The following C5orf34 variants were observed in gnomAD, a reference collection of about 807,000 sequenced individuals.
C5orf34 encodes chromosome 5 open reading frame 34.
In C5orf34, 73 loss-of-function variants were observed where a neutral mutation model predicts 78.4. The observed-to-expected ratio is 0.93, with a 90% CI of 0.77 to 1.13. The LOEUF (loss-of-function observed/expected upper bound fraction) is 1.13. Ranked by LOEUF, C5orf34 falls within the 50% of genes most tolerant of loss-of-function variation. The pLI is 0.00. For missense variants in C5orf34, 730 were observed against 732.7 expected, an observed-to-expected ratio of 1.00 and a Z score of 0.04; for synonymous variants, 251 against 246.6, an observed-to-expected ratio of 1.02 and a Z score of -0.17.
chr5:43,486,811 T>C lies in C5orf34; in HGVS notation c.*104A>G. ...AATGTCAGTTCTTTCACAATCATTG[T>C]GCCGGGGTAATACGTACAATATCTT... On this transcript the variant is annotated 3_prime_UTR_variant, in exon 13 of 13. Transcript: ENST00000306862. 2.0e-6 allele frequency: 1 copy of C among 509,894 alleles called. No individual in the cohort carries two copies. 31.6% of individuals were successfully genotyped at this position (509,894 alleles called of 1,614,324 possible).
chr5:43,490,517 T>C (rs1400242647), intron 11 of C5orf34, 114 bp downstream of exon 11: 2 of 661,932 alleles, frequency 3.0e-6, no homozygotes, highest in Non-Finnish European at 5.4e-6. Context: ...GTTAAACATA[T>C]TCAAAACTAA....
rs1324988459 is a variant in C5orf34 at position 43,508,526 on chromosome 5, T to C, written c.285+51A>G. ...GGCTAAATATTAAATTACCTGTTTC[T>C]AGTTACTTGTCCTCAAATAATACTA... On this transcript the variant is annotated intron_variant, in intron 3 of 12. Coordinates refer to ENST00000306862, the MANE Select transcript of C5orf34 (RefSeq NM_198566.4). 13 of 1,045,486 alleles carry C rather than the reference T, an allele frequency of 1.2e-5. No individual in the cohort carries two copies. In the Admixed American group the frequency reaches 2.7e-4, roughly 21 times the overall value. The allele number at this position is 1,045,486 out of a possible 1,614,324, so 64.8% of individuals were successfully genotyped here. A position where few individuals can be genotyped will look rare whatever the true frequency, so the allele number is the denominator to read the frequency against.
intron 1 of C5orf34, among the ~76,000 whole-genome samples, chr5:43,510,087 T>G (rs1014190027): frequency 6.6e-6 from 1 of 152,194 alleles, no homozygotes; most frequent in Non-Finnish European, 1.5e-5. Context: ...TATATGCTCA[T>G]TATCTCATTT....
intron 6 of C5orf34, chr5:43,495,187 A>G: frequency 2.5e-6 from 4 of 1,611,418 alleles, no homozygotes; most frequent in Non-Finnish European, 3.4e-6. Context: ...TATCACGAAC[A>G]GCAAAATGAC....
chr5:43,498,943 C>T (rs1238445051), intron 6 of C5orf34, among the ~76,000 whole-genome samples: 2 of 152,232 alleles, frequency 1.3e-5, no homozygotes, highest in African/African-American at 2.4e-5. Context: ...CTTCCTTCAA[C>T]ACTCCACACT....
intron 11 of C5orf34, among the ~76,000 whole-genome samples, chr5:43,488,908 G>A (rs182841819): frequency 9.2e-5 from 14 of 152,144 alleles, no homozygotes; most frequent in Non-Finnish European, 7.4e-5. Flanking sequence ...TAGGTTGTGT[G>A]ACTTGTCTGC....
In C5orf34 at chr5:43,503,650, A is replaced by G; in HGVS notation, c.1028+15T>C. 3 of 1,546,972 alleles carry G rather than the reference A, an allele frequency of 1.9e-6. No individual in the cohort carries two copies. Among genetic ancestry groups the G allele is most frequent in the Non-Finnish European group, 2.7e-6 (3 of 1,118,766 alleles). ...AGCTCTAACTCCAACATAGAAGCCA[A>G]CATAGGTGCCTTACCTATATGTAAC... is the stretch of plus-strand genomic sequence containing the variant. On this transcript the variant is annotated intron_variant, in intron 5 of 12. Coordinates refer to ENST00000306862, the MANE Select transcript of C5orf34 (RefSeq NM_198566.4).
intron 10 of C5orf34, 90 bp downstream of exon 10, chr5:43,492,125 T>A: frequency 1.2e-6 from 1 of 835,346 alleles, no homozygotes. Context: ...AAACTAAAAA[T>A]ATATATAACA....
intron 6 of C5orf34, among the ~76,000 whole-genome samples, chr5:43,497,023 T>TA (rs544724601): frequency 6.6e-6 from 1 of 152,180 alleles, no homozygotes; most frequent in African/African-American, 2.4e-5. Context: ...TATATAGATT[T>TA]AAAAAAACTA....
intron 6 of C5orf34, chr5:43,495,775 C>T: frequency 1.9e-6 from 3 of 1,580,528 alleles, no homozygotes; most frequent in Non-Finnish European, 2.6e-6. Context: ...GAGCCTCAAG[C>T]AGCATGGTGC....
intron 6 of C5orf34, among the ~76,000 whole-genome samples, chr5:43,500,134 T>C (rs1050686004): frequency 6.6e-6 from 1 of 152,240 alleles, no homozygotes; most frequent in Non-Finnish European, 1.5e-5. Context: ...TTTTTAGTTA[T>C]TGGCAATTTG....
chr5:43,509,015 G>T, intron 2 of C5orf34, 130 bp downstream of exon 2: 2 of 681,706 alleles, frequency 2.9e-6, no homozygotes, highest in Non-Finnish European at 2.5e-6. Flanking sequence ...TGAGGCAGGA[G>T]AATCACTTGA....
chr5:43,500,788 G>A (rs1745724761), intron 6 of C5orf34, among the ~76,000 whole-genome samples: 1 of 152,064 alleles, frequency 6.6e-6, no homozygotes, highest in Non-Finnish European at 1.5e-5. Context: ...ACTTAACAAG[G>A]CCTCCTTTAC....
At chr5:43,514,420 G>C (rs1402863479) in intron 1 of C5orf34, among the ~76,000 whole-genome samples, 1 of 152,158 alleles carries the variant, frequency 6.6e-6, no homozygotes, top group Non-Finnish European at 1.5e-5. Context: ...AACGGGTGCT[G>C]ATACATAGAT....
Position 43,497,145 on chromosome 5 carries a change from G to A in C5orf34, c.1153-2544C>T, listed in dbSNP as rs76666777. On this transcript the variant is annotated intron_variant, in intron 6 of 12. Coordinates refer to ENST00000306862, the MANE Select transcript of C5orf34 (RefSeq NM_198566.4). ...AGGTTACTGAAATTTGAAAAAAATTGTTATTTTAAAATTCTTTCTGAGTTT... is the reference window on the plus strand; with the variant it reads ...AGGTTACTGAAATTTGAAAAAAATTATTATTTTAAAATTCTTTCTGAGTTT... Among the ~76,000 whole-genome samples, 2,100 of 131,368 alleles carry A rather than the reference G, an allele frequency of 0.016. 58 individuals carry two copies. The East Asian group carries it at 0.23, about 14-fold the overall frequency. 86.2% of individuals were successfully genotyped at this position (131,368 alleles called of 152,430 possible).
intron 1 of C5orf34, among the ~76,000 whole-genome samples, chr5:43,514,484 C>G (rs36013953): frequency 0.4 from 61,339 of 151,788 alleles, 14,709 homozygotes; most frequent in East Asian, 0.78. Flanking sequence ...TTGGTCAGGT[C>G]TTTTTTTTAA....
At chr5:43,512,969 A>G (rs1746337560) in intron 1 of C5orf34, among the ~76,000 whole-genome samples, 1 of 151,536 alleles carries the variant, frequency 6.6e-6, no homozygotes, top group South Asian at 2.1e-4. Context: ...TTTTTAGTAG[A>G]GACAGGTTTT....
intron 1 of C5orf34, among the ~76,000 whole-genome samples, chr5:43,509,765 T>G (rs1033893230): frequency 2.0e-5 from 3 of 150,882 alleles, no homozygotes; most frequent in African/African-American, 4.9e-5. Flanking sequence ...GTTTTTTTTG[T>G]TTTTTTTTGA....
chr5:43,495,261 C>A, intron 6 of C5orf34: 1 of 1,606,310 alleles, frequency 6.2e-7, no homozygotes, highest in Non-Finnish European at 8.5e-7. Flanking sequence ...TCAACAATGG[C>A]AGCATCACCA....
Sources: allele counts gnomAD v4.1 joint callset (sites outside exome capture counted in the v4.1 genomes callset), GRCh38; gene constraint gnomAD v4.1.1; transcripts MANE v1.5; gene names NCBI Gene and HGNC (gene_info 2026-07-23, HGNC 2026-07-21).